The following PRR7 variants were observed in gnomAD, a reference collection of about 807,000 sequenced individuals.
The protein encoded by PRR7 is proline rich 7, synaptic, also known as proline-rich protein 7.
Under a neutral mutation model 18.5 loss-of-function variants are expected in PRR7, and 8 were observed. That is an observed-to-expected ratio of 0.43 (90% confidence interval 0.25 to 0.78). PRR7 has a LOEUF of 0.78. Ranked by LOEUF, PRR7 falls within the 30% of genes least tolerant of loss-of-function variation. The pLI is 0.22. For synonymous variants in PRR7, 221 were observed against 187.7 expected (o/e 1.18, Z -1.45); for missense variants, 396 against 403.1 (o/e 0.98, Z 0.15).
chr5:177,455,572 C>A lies in PRR7; in HGVS notation c.427+78C>A. ...CGTTGGAGGGCTCGCTGCTTACCCT[C>A]AGGGCTTCCATCCGCAGCCTCCGGG... On this transcript the variant is annotated intron_variant, in intron 3 of 3. Coordinates refer to ENST00000323249, the MANE Select transcript of PRR7 (RefSeq NM_030567.5). This position sits in a 1 kb window ranked among gnomAD's most constrained non-coding sequence, Gnocchi z 6.9. 2.1e-6 allele frequency: 3 copies of A among 1,417,192 alleles called. No individual in the cohort carries two copies. Among genetic ancestry groups the A allele is most frequent in the Non-Finnish European group, 2.7e-6 (3 of 1,092,506 alleles). 87.8% of individuals were successfully genotyped at this position (1,417,192 alleles called of 1,614,324 possible).
upstream of PRR7, chr5:177,446,257 C>A (rs999808961): frequency 3.3e-5 from 5 of 152,280 alleles, no homozygotes; most frequent in Admixed American, 2.0e-4. This position sits in a 1 kb window ranked among gnomAD's most constrained non-coding sequence, Gnocchi z 5.3. Context: ...GAGGCATGTC[C>A]ACGGAGGCCA....
Position 177,452,786 on chromosome 5 carries a change from C to T in PRR7, c.-324-1170C>T, listed in dbSNP as rs150284405. On this transcript the variant is annotated intron_variant, in intron 1 of 3. Transcript: ENST00000323249. ...CTAATGCCCCACCTGCTGAGCTGGG[C>T]GCCCTCAGGGCACAGAGGGCCCTCT... Among the ~76,000 whole-genome samples, 906 of 152,356 alleles carry T rather than the reference C, an allele frequency of 5.9e-3. 7 individuals are homozygous for T. The highest frequency in any genetic ancestry group is 0.02 in the African/African-American group (827 of 41,580).
chr5:177,455,919 G>A lies in PRR7; in HGVS notation c.623G>A (p.Arg208Gln). ...PPSYKPLFLDRGYTSALHLPS... is the reference protein window; with the variant it reads ...PPSYKPLFLDQGYTSALHLPS... ...AGCTACAAGCCGCTCTTCCTGGACC[G>A]GGGCTACACCTCGGCGCTGCACCTG... The change falls in exon 4 of 4, where the codon CGG (arginine) becomes CAG (glutamine). Residue 208 changes from arginine to glutamine, a missense_variant. Around this residue, in one of 2 missense-constraint regions of PRR7, gnomAD observed 383 missense variants for 372.6 expected, o/e 1.03. Transcript: ENST00000323249. This position sits in a 1 kb window ranked among gnomAD's most constrained non-coding sequence, Gnocchi z 6.9. 2 of 1,607,378 alleles carry A rather than the reference G, an allele frequency of 1.2e-6. No individual in the cohort carries two copies. The highest frequency in any genetic ancestry group is 1.7e-6 in the Non-Finnish European group (2 of 1,178,854).
chr5:177,455,429 C>A lies in PRR7; in HGVS notation c.362C>A (p.Ala121Glu). The part of the protein sequence containing the change: ...AHAHPHPHHH[A>E]LPHPPPTHLS... ...GCGCACCCACACCCGCACCACCACG[C>A]GCTCCCGCACCCGCCGCCTACGCAC... The change falls in exon 3 of 4, where the codon GCG becomes GAG. Residue 121 changes from alanine (A) to glutamate (E), a missense_variant. Transcript: ENST00000323249. The surrounding 1 kb of genome is among the most constrained non-coding windows in gnomAD (Gnocchi z 6.9). The A allele has an allele frequency of 6.6e-7, 1 of 1,505,796 alleles. No individual in the cohort carries two copies. Among genetic ancestry groups the A allele is most frequent in the South Asian group, 1.2e-5 (1 of 81,186 alleles). 93.3% of individuals were successfully genotyped at this position (1,505,796 alleles called of 1,614,324 possible).
At chr5:177,447,328 G>T (rs916026198) in intron 1 of PRR7, among the ~76,000 whole-genome samples, 17 of 152,242 alleles carry the variant, frequency 1.1e-4, no homozygotes, top group Non-Finnish European at 1.9e-4. Context: ...CGCGGCGGGG[G>T]CATGTCGCCC....
At chr5:177,446,061 A>G (rs1027179946), upstream of PRR7, 2 of 144,902 alleles carry the variant, frequency 1.4e-5, no homozygotes, top group Non-Finnish European at 3.0e-5. The surrounding 1 kb of genome is among the most constrained non-coding windows in gnomAD (Gnocchi z 5.3). Flanking sequence ...CAAATGTTCC[A>G]GCTAATATGG....
At chr5:177,451,815 G>A (rs1042959242) in intron 1 of PRR7, among the ~76,000 whole-genome samples, 7 of 148,230 alleles carry the variant, frequency 4.7e-5, no homozygotes, top group Non-Finnish European at 4.5e-5. Flanking sequence ...AGCCTGCTTC[G>A]AAGAGTGAGT....
In PRR7 at chr5:177,449,510, T is replaced by C. The variant is rs1156281524; in HGVS notation, c.-325+2550T>C. ...TCGGCACTCTGCATGTTACCCAGGC[T>C]GCCCCCCACAGGGTGTCACCATCAC... On this transcript the variant is annotated intron_variant, in intron 1 of 3. Coordinates refer to ENST00000323249, the MANE Select transcript of PRR7 (RefSeq NM_030567.5). The surrounding 1 kb of genome is among the most constrained non-coding windows in gnomAD (Gnocchi z 4.2). Among the ~76,000 whole-genome samples, 1 of 110,738 alleles carries C rather than the reference T, an allele frequency of 9.0e-6. No individual in the cohort carries two copies. Among genetic ancestry groups the C allele is most frequent in the Non-Finnish European group, 2.1e-5 (1 of 46,686 alleles). The allele number at this position is 110,738 out of a possible 152,430, so 72.6% of individuals were successfully genotyped here.
chr5:177,455,933 G>T lies in PRR7; in HGVS notation c.637G>T (p.Ala213Ser). 1 of 1,603,634 alleles carries T rather than the reference G, an allele frequency of 6.2e-7. No individual in the cohort carries two copies. The highest frequency in any genetic ancestry group is 2.2e-5 in the East Asian group (1 of 44,672). The change falls in exon 4 of 4, where the codon GCG becomes TCG. Residue 213 changes from alanine to serine, a missense_variant. Ala to Ser is a moderately conservative substitution (Grantham distance 99). Around this residue, in one of 2 missense-constraint regions of PRR7, gnomAD observed 383 missense variants for 372.6 expected, o/e 1.03. Transcript: ENST00000323249. This position sits in a 1 kb window ranked among gnomAD's most constrained non-coding sequence, Gnocchi z 6.9. ...PLFLDRGYTS[A>S]LHLPSAPRPA... ...CTTCCTGGACCGGGGCTACACCTCG[G>T]CGCTGCACCTGCCCAGCGCCCCTCG... is the stretch of plus-strand genomic sequence containing the variant.
In PRR7 at chr5:177,455,788, G is replaced by T; in HGVS notation, c.492G>T (p.Pro164=). 4 of 1,611,052 alleles carry T rather than the reference G, an allele frequency of 2.5e-6. No homozygotes were observed. Among genetic ancestry groups the T allele is most frequent in the Non-Finnish European group, 3.4e-6 (4 of 1,179,282 alleles). ...CGGTGCTGATGGCAGAGCCGCCGCC[G>T]CCCTATAGCGAGGTGCTCACGGACA... ...EEAVLMAEPP[P]PYSEVLTDTR... is the part of the protein sequence containing the mutation. The change falls in exon 4 of 4, where the codon CCG becomes CCT. Residue 164 remains proline (P), a synonymous_variant. Coordinates refer to ENST00000323249, the MANE Select transcript of PRR7 (RefSeq NM_030567.5). The surrounding 1 kb of genome is among the most constrained non-coding windows in gnomAD (Gnocchi z 6.9).
At position 177,454,222 on chromosome 5, in the gene PRR7, G is replaced by T. The variant is rs1409435649; in HGVS notation, c.-240+182G>T. On this transcript the variant is annotated intron_variant, in intron 2 of 3. Coordinates refer to ENST00000323249, the MANE Select transcript of PRR7 (RefSeq NM_030567.5). The surrounding 1 kb of genome is among the most constrained non-coding windows in gnomAD (Gnocchi z 4.7). ...AGGAAAGGAAGAGAGTGTGGCCCACGCCCGGCGCGGCGCGCTAGGCTCAGA... is the reference window on the plus strand; with the variant it reads ...AGGAAAGGAAGAGAGTGTGGCCCACTCCCGGCGCGGCGCGCTAGGCTCAGA... 6.6e-6 allele frequency among the ~76,000 whole-genome samples: 1 copy of T among 152,248 alleles called. No homozygotes were observed. The highest frequency in any genetic ancestry group is 1.5e-5 in the Non-Finnish European group (1 of 68,040).
Position 177,455,977 on chromosome 5 carries a change from A to G in PRR7, c.681A>G (p.Pro227=). The change falls in exon 4 of 4, where the codon CCA becomes CCG. Residue 227 remains proline, a synonymous_variant. Coordinates refer to ENST00000323249, the MANE Select transcript of PRR7 (RefSeq NM_030567.5). The surrounding 1 kb of genome is among the most constrained non-coding windows in gnomAD (Gnocchi z 6.9). ...PSAPRPAPPC[P]ALCLQADRGR... ...CCCCTCGGCCCGCGCCGCCCTGCCC[A>G]GCCCTCTGCCTGCAGGCCGACCGTG... 6.3e-7 allele frequency: 1 copy of G among 1,590,978 alleles called. No individual in the cohort carries two copies. The highest frequency in any genetic ancestry group is 8.5e-7 in the Non-Finnish European group (1 of 1,173,070).
chr5:177,448,846 C>T (rs1237541365), intron 1 of PRR7, among the ~76,000 whole-genome samples: 1 of 152,266 alleles, frequency 6.6e-6, no homozygotes, highest in Non-Finnish European at 1.5e-5. Flanking sequence ...GGCTCCATGG[C>T]CTGCTCAGCT....
In PRR7 at chr5:177,455,451, G is replaced by A. The variant is rs752039156; in HGVS notation, c.384G>A (p.Thr128=). The change falls in exon 3 of 4, where the codon ACG becomes ACA. Residue 128 remains threonine, a synonymous_variant. Transcript: ENST00000323249. The surrounding 1 kb of genome is among the most constrained non-coding windows in gnomAD (Gnocchi z 6.9). ...HHHALPHPPP[T]HLSVPPRPWS... ...ACGCGCTCCCGCACCCGCCGCCTAC[G>A]CACCTGTCGGTGCCGCCACGGCCCT... 9.3e-6 allele frequency: 14 copies of A among 1,505,076 alleles called. No homozygotes were observed. Among genetic ancestry groups the A allele is most frequent in the Admixed American group, 6.4e-5 (3 of 47,234 alleles). The allele number at this position is 1,505,076 out of a possible 1,614,324, so 93.2% of individuals were successfully genotyped here.
rs1193710240 is a variant in PRR7 at position 177,450,285 on chromosome 5, C to T, written c.-325+3325C>T. ...CCTCAAGTCCAGGTGTGACCCAGTG[C>T]CCCTGCTGCCCGGGATTTTCCATCC... is the stretch of plus-strand genomic sequence containing the variant. On this transcript the variant is annotated intron_variant, in intron 1 of 3. Transcript: ENST00000323249. The surrounding 1 kb of genome is among the most constrained non-coding windows in gnomAD (Gnocchi z 6.6). Among the ~76,000 whole-genome samples the T allele has an allele frequency of 6.6e-6, 1 of 152,168 alleles. No individual in the cohort carries two copies. Among genetic ancestry groups the T allele is most frequent in the African/African-American group, 2.4e-5 (1 of 41,434 alleles).
rs769264681 is a variant in PRR7 at position 177,455,572 on chromosome 5, C to G, written c.427+78C>G. 4.1e-5 allele frequency: 58 copies of G among 1,417,082 alleles called. No homozygotes were observed. The highest frequency in any genetic ancestry group is 5.3e-5 in the Non-Finnish European group (58 of 1,092,514). 87.8% of individuals were successfully genotyped at this position (1,417,082 alleles called of 1,614,324 possible). ...CGTTGGAGGGCTCGCTGCTTACCCTCAGGGCTTCCATCCGCAGCCTCCGGG... is the reference window on the plus strand; with the variant it reads ...CGTTGGAGGGCTCGCTGCTTACCCTGAGGGCTTCCATCCGCAGCCTCCGGG... On this transcript the variant is annotated intron_variant, in intron 3 of 3. Coordinates refer to ENST00000323249, the MANE Select transcript of PRR7 (RefSeq NM_030567.5). The surrounding 1 kb of genome is among the most constrained non-coding windows in gnomAD (Gnocchi z 6.9).
intron 1 of PRR7, among the ~76,000 whole-genome samples, chr5:177,453,357 G>A (rs1363660952): frequency 1.3e-5 from 2 of 152,176 alleles, no homozygotes; most frequent in Non-Finnish European, 2.9e-5. Context: ...TGGCAGCATC[G>A]TGTTTTTATC....
At chr5:177,451,112 C>T (rs974447152) in intron 1 of PRR7, among the ~76,000 whole-genome samples, 2 of 152,172 alleles carry the variant, frequency 1.3e-5, no homozygotes, top group African/African-American at 2.4e-5. Flanking sequence ...GAGGATGCGG[C>T]GGACGGAAGG....
At chr5:177,446,245 G>T, upstream of PRR7, 1 of 152,474 alleles carries the variant, frequency 6.6e-6, no homozygotes. This position sits in a 1 kb window ranked among gnomAD's most constrained non-coding sequence, Gnocchi z 5.3. Context: ...TGGGGTAGGG[G>T]GGAGGCATGT....
Sources: gnomAD v4.1 joint callset for allele counts (sites outside exome capture counted in the v4.1 genomes callset) on GRCh38, gnomAD v4.1.1 for gene constraint, gnomAD v4.1.1 regional missense constraint, Gnocchi (gnomAD v3.1) non-coding constraint, MANE v1.5 for transcripts, NCBI Gene and HGNC (gene_info 2026-07-23, HGNC 2026-07-21) for gene names.